Variants in CTNNA3 observed in about 807,000 individuals in gnomAD.
CTNNA3 encodes catenin alpha-3.
In CTNNA3, 76 loss-of-function variants were observed where a neutral mutation model predicts 95.7. That is an observed-to-expected ratio of 0.79 (90% CI 0.66 to 0.96). CTNNA3 has a LOEUF of 0.96. Among genes scored for constraint, CTNNA3 ranks in the 40% least tolerant of loss-of-function variants. The probability of loss-of-function intolerance (pLI) is 0.00; values close to 1 mark genes in which losing one functional copy is unlikely to be tolerated. For missense variants in CTNNA3, 1,191 were observed against 1,089.8 expected (o/e 1.09, Z -1.31); for synonymous variants, 431 against 374.4 (o/e 1.15, Z -1.74).
intron 13 of CTNNA3, among the ~76,000 whole-genome samples, chr10:66,134,358 C>A (rs763730912): frequency 1.8e-4 from 28 of 151,946 alleles, no homozygotes; most frequent in Non-Finnish European, 3.1e-4. Flanking sequence ...TTCTAAGATA[C>A]AAATCAATCT....
rs1387654842 is a variant in CTNNA3 at position 66,360,769 on chromosome 10, T to TTTTCTTTC, written c.1732+18375_1732+18382dup. ...CTTCCTTCCTTCCTTCCTTCCTTCC[T>TTTTCTTTC]TTTCTTTCTTTCTTTCTTCCTTCCT... On this transcript the variant is annotated intron_variant, in intron 12 of 17. Transcript: ENST00000433211. Among the ~76,000 whole-genome samples the TTTTCTTTC allele has an allele frequency of 8.8e-5, 6 of 67,912 alleles. 1 individual carries two copies. Among genetic ancestry groups the TTTTCTTTC allele is most frequent in the East Asian group, 9.8e-4 (1 of 1,016 alleles). 44.6% of individuals were successfully genotyped at this position (67,912 alleles called of 152,430 possible). A position where few individuals can be genotyped will look rare whatever the true frequency, so the allele number is the denominator to read the frequency against.
intron 15 of CTNNA3, among the ~76,000 whole-genome samples, chr10:66,043,248 A>T (rs1347255306): frequency 1.3e-5 from 2 of 151,976 alleles, no homozygotes; most frequent in African/African-American, 4.8e-5. Flanking sequence ...AAAAACACGA[A>T]AAAGAAAGTA....
At chr10:67,109,526 G>A (rs1858809877) in intron 7 of CTNNA3, among the ~76,000 whole-genome samples, 1 of 152,152 alleles carries the variant, frequency 6.6e-6, no homozygotes, top group South Asian at 2.1e-4. Flanking sequence ...ACCAGTTCAA[G>A]GCATAGTTTT....
At chr10:67,516,085 C>T (rs1288597149) in intron 5 of CTNNA3, among the ~76,000 whole-genome samples, 2 of 152,176 alleles carry the variant, frequency 1.3e-5, no homozygotes, top group Non-Finnish European at 2.9e-5. Flanking sequence ...GCCTCAGCCT[C>T]CCGAGTAGCT....
intron 2 of CTNNA3, among the ~76,000 whole-genome samples, chr10:67,626,435 TCTGAA>T (rs1564792093): frequency 3.8e-4 from 58 of 152,320 alleles, no homozygotes; most frequent in African/African-American, 1.3e-3. Flanking sequence ...CTTTTTTGGT[TCTGAA>T]TCACTTGGTA....
At chr10:67,150,575 T>C (rs536337242) in intron 7 of CTNNA3, among the ~76,000 whole-genome samples, 1 of 152,308 alleles carries the variant, frequency 6.6e-6, no homozygotes, top group Admixed American at 6.5e-5. Flanking sequence ...CATTTCAAAT[T>C]TAAGGTTCTA....
At chr10:66,112,431 C>T (rs571927344) in intron 13 of CTNNA3, among the ~76,000 whole-genome samples, 1 of 152,168 alleles carries the variant, frequency 6.6e-6, no homozygotes, top group Non-Finnish European at 1.5e-5. Context: ...TAGCATCCCT[C>T]TATTTTGTTA....
At chr10:66,202,362 T>C (rs1171452103) in intron 13 of CTNNA3, among the ~76,000 whole-genome samples, 1 of 152,200 alleles carries the variant, frequency 6.6e-6, no homozygotes, top group Admixed American at 6.5e-5. Flanking sequence ...GGCCAACTGT[T>C]GTTAGAATCA....
At chr10:66,286,949 T>C (rs964455424) in intron 12 of CTNNA3, among the ~76,000 whole-genome samples, 3 of 152,074 alleles carry the variant, frequency 2.0e-5, no homozygotes, top group Non-Finnish European at 4.4e-5. Context: ...TGATACATAA[T>C]AGATGTACAT....
At chr10:67,127,654 G>A (rs985471011) in intron 7 of CTNNA3, among the ~76,000 whole-genome samples, 5 of 152,170 alleles carry the variant, frequency 3.3e-5, no homozygotes, top group Admixed American at 6.6e-5. Context: ...ATAACATTGT[G>A]TGGGAAGTAC....
chr10:67,575,002 T>C (rs1842098731), intron 3 of CTNNA3, among the ~76,000 whole-genome samples: 1 of 152,162 alleles, frequency 6.6e-6, no homozygotes, highest in Non-Finnish European at 1.5e-5. Context: ...ACTCTATACA[T>C]TTTATTTAGT....
At chr10:66,190,945 A>G (rs1157726973) in intron 13 of CTNNA3, among the ~76,000 whole-genome samples, 2 of 152,084 alleles carry the variant, frequency 1.3e-5, no homozygotes, top group Non-Finnish European at 2.9e-5. Flanking sequence ...ATCCCACAAG[A>G]CTGCTGGGAA....
At chr10:67,686,526 C>T (rs138692361) in intron 1 of CTNNA3, among the ~76,000 whole-genome samples, 9,014 of 152,188 alleles carry the variant, frequency 0.059, 291 homozygotes, top group South Asian at 0.1. Context: ...CAAGGAGTAG[C>T]GCCTGGTATC....
intron 17 of CTNNA3, among the ~76,000 whole-genome samples, chr10:65,921,694 T>G (rs113663485): frequency 0.014 from 2,180 of 152,308 alleles, 60 homozygotes; most frequent in African/African-American, 0.049. Context: ...CCATGCCAAC[T>G]GCTTCTTCTG....
At chr10:66,555,437 C>A (rs767196451) in intron 10 of CTNNA3, among the ~76,000 whole-genome samples, 56 of 151,956 alleles carry the variant, frequency 3.7e-4, no homozygotes, top group Non-Finnish European at 7.7e-4. Context: ...ATGTCCCATG[C>A]AATATTTGGG....
intron 13 of CTNNA3, among the ~76,000 whole-genome samples, chr10:66,174,198 C>G (rs946857633): frequency 2.6e-5 from 4 of 152,118 alleles, no homozygotes; most frequent in Non-Finnish European, 5.9e-5. Context: ...TCTAAGGAAG[C>G]CTGATCCCAA....
At chr10:65,942,659 C>T (rs2077447901) in intron 17 of CTNNA3, among the ~76,000 whole-genome samples, 1 of 152,118 alleles carries the variant, frequency 6.6e-6, no homozygotes, top group Admixed American at 6.5e-5. Context: ...GAGAAATGGG[C>T]TTTGGGTAAG....
intron 5 of CTNNA3, among the ~76,000 whole-genome samples, chr10:67,431,705 C>A (rs975920499): frequency 6.6e-6 from 1 of 151,826 alleles, no homozygotes; most frequent in African/African-American, 2.4e-5. Flanking sequence ...CCAAGATGAA[C>A]AAATCTCCTC....
chr10:65,962,004 C>T (rs1007796845), intron 17 of CTNNA3, among the ~76,000 whole-genome samples: 4 of 152,126 alleles, frequency 2.6e-5, no homozygotes, highest in Non-Finnish European at 5.9e-5. Flanking sequence ...TTCTAGACCG[C>T]CCATTCGCAG....
Sources: allele counts gnomAD v4.1 joint callset (sites outside exome capture counted in the v4.1 genomes callset), GRCh38; gene constraint gnomAD v4.1.1; transcripts MANE v1.5; gene names NCBI Gene and HGNC (gene_info 2026-07-23, HGNC 2026-07-21).